Variants in MXI1 observed in about 807,000 individuals in gnomAD.
MXI1 encodes max-interacting protein 1.
A neutral mutation model predicts 36.9 loss-of-function variants in MXI1; 18 were observed. The observed-to-expected ratio is 0.49, with a 90% CI of 0.34 to 0.72. The LOEUF (loss-of-function observed/expected upper bound fraction) is 0.72. MXI1 is among the 30% of genes least tolerant of loss of function. MXI1 has a pLI of 0.01. For missense variants in MXI1, 304 were observed against 379.1 expected, an observed-to-expected ratio of 0.80 and a Z score of 1.64; for synonymous variants, 160 against 146.7, an observed-to-expected ratio of 1.09 and a Z score of -0.65.
At chr10:110,226,381 CATGAGGTGAGGTGTGCGCGCAT>C (rs1854969416) in intron 1 of MXI1, 2 of 1,213,740 alleles carry the variant, frequency 1.6e-6, no homozygotes, top group Admixed American at 7.3e-5. Flanking sequence ...GAGGTGCGCG[CATGAGGTGAGGTGTGCGCGCAT>C]GTGAGGGGAG....
At chr10:110,282,310 T>C (rs1455810799) in intron 5 of MXI1, among the ~76,000 whole-genome samples, 1 of 152,202 alleles carries the variant, frequency 6.6e-6, no homozygotes, top group East Asian at 1.9e-4. Flanking sequence ...AAATAGTTTT[T>C]TCATCCTTTT....
chr10:110,282,205 T>G (rs535389771), intron 5 of MXI1, among the ~76,000 whole-genome samples: 4 of 152,366 alleles, frequency 2.6e-5, no homozygotes, highest in Non-Finnish European at 5.9e-5. Flanking sequence ...AACTCATGTT[T>G]TGCTGTACTG....
At chr10:110,272,992 G>A (rs1431549331) in intron 3 of MXI1, among the ~76,000 whole-genome samples, 1 of 150,838 alleles carries the variant, frequency 6.6e-6, no homozygotes, top group Non-Finnish European at 1.5e-5. Context: ...TGAGTTGTAG[G>A]TGAAACATAC....
intron 3 of MXI1, among the ~76,000 whole-genome samples, chr10:110,273,193 A>G (rs1454545746): frequency 6.6e-6 from 1 of 152,006 alleles, no homozygotes; most frequent in African/African-American, 2.4e-5. Context: ...GACTACAGGC[A>G]TGTGCCACCA....
intron 2 of MXI1, among the ~76,000 whole-genome samples, chr10:110,230,912 T>C (rs761073373): frequency 1.3e-5 from 2 of 152,370 alleles, no homozygotes; most frequent in East Asian, 1.9e-4. Flanking sequence ...AAAAAGCTAC[T>C]AGTGTGGAAG....
At chr10:110,214,419 C>A (rs545123241) in intron 1 of MXI1, among the ~76,000 whole-genome samples, 2 of 152,092 alleles carry the variant, frequency 1.3e-5, no homozygotes, top group African/African-American at 2.4e-5. Context: ...ACACCACCCC[C>A]CTCCTGCTGC....
intron 3 of MXI1, among the ~76,000 whole-genome samples, chr10:110,264,279 G>A (rs1856613904): frequency 1.3e-5 from 2 of 152,034 alleles, no homozygotes; most frequent in South Asian, 2.1e-4. Context: ...TGTTCCTGCT[G>A]TATTGGGCAT....
chr10:110,207,888 C>T lies in MXI1; in HGVS notation c.80C>T (p.Pro27Leu), dbSNP rs776145710. ...GCCCCCGCCGCGCCCCCGGCTGTGC[C>T]CCCCGCCGTGGCCGCGCCCCAGCCC... ...GLAPAAPPAV[P>L]PAVAAPQPPA... Residue 27 changes from proline (P) to leucine (L), a missense_variant, in exon 1 of 6, where the codon CCC becomes CTC. Around this residue, in one of 2 missense-constraint regions of MXI1, gnomAD observed 179 missense variants for 184.8 expected, o/e 0.97. Coordinates refer to ENST00000332674, the MANE Select transcript of MXI1 (RefSeq NM_130439.3). 2.2e-5 allele frequency: 30 copies of T among 1,358,268 alleles called. No individual in the cohort carries two copies. Among genetic ancestry groups the T allele is most frequent in the East Asian group, 3.5e-5 (1 of 28,458 alleles). The allele number at this position is 1,358,268 out of a possible 1,614,324, so 84.1% of individuals were successfully genotyped here. A position where few individuals can be genotyped will look rare whatever the true frequency, so the allele number is the denominator to read the frequency against.
intron 3 of MXI1, among the ~76,000 whole-genome samples, chr10:110,255,767 G>A (rs548922338): frequency 1.3e-5 from 2 of 152,264 alleles, no homozygotes; most frequent in Admixed American, 1.3e-4. Flanking sequence ...TAGATTCAGT[G>A]CAAGCCCTAT....
chr10:110,258,887 C>CA (rs1856407600), intron 3 of MXI1, among the ~76,000 whole-genome samples: 1 of 151,560 alleles, frequency 6.6e-6, no homozygotes, highest in South Asian at 2.1e-4. Context: ...ACCTAGGTTA[C>CA]ATATACAGCA....
intron 3 of MXI1, among the ~76,000 whole-genome samples, chr10:110,261,429 ATT>A (rs754963291): frequency 0.037 from 5,170 of 141,094 alleles, 118 homozygotes; most frequent in African/African-American, 0.07. Flanking sequence ...TATTCAAACC[ATT>A]TTTTTTTTTT....
chr10:110,240,648 A>G (rs1040887714), intron 2 of MXI1, among the ~76,000 whole-genome samples: 4 of 152,124 alleles, frequency 2.6e-5, no homozygotes, highest in Non-Finnish European at 5.9e-5. Flanking sequence ...CCCCTTTGGT[A>G]TATCCTTGAA....
intron 3 of MXI1, chr10:110,261,265 G>C: frequency 1.9e-6 from 1 of 520,014 alleles, no homozygotes; most frequent in Non-Finnish European, 2.5e-6. Context: ...CATGTCTACT[G>C]TTTATTTTTT....
At chr10:110,238,638 A>G (rs1224746172) in intron 2 of MXI1, among the ~76,000 whole-genome samples, 1 of 152,056 alleles carries the variant, frequency 6.6e-6, no homozygotes, top group Non-Finnish European at 1.5e-5. Flanking sequence ...GGTTTTATTT[A>G]TTCCTTAAAT....
intron 1 of MXI1, chr10:110,227,965 A>T (rs113238292): frequency 0.059 from 30,608 of 514,994 alleles, 1,294 homozygotes; most frequent in Middle Eastern, 0.14. Context: ...GGGGGGATAA[A>T]CTCTTTGGTT....
At chr10:110,257,355 C>T (rs967705025) in intron 3 of MXI1, 2 of 148,468 alleles carry the variant, frequency 1.3e-5, no homozygotes, top group African/African-American at 5.0e-5. Context: ...GTTGCCCTGG[C>T]TGGAGTGCAA....
At chr10:110,212,038 G>A (rs1324969860) in intron 1 of MXI1, among the ~76,000 whole-genome samples, 1 of 152,216 alleles carries the variant, frequency 6.6e-6, no homozygotes, top group African/African-American at 2.4e-5. Flanking sequence ...GGGATGTTAT[G>A]TGCATAAGAG....
At chr10:110,242,828 G>C (rs893298346) in intron 2 of MXI1, among the ~76,000 whole-genome samples, 1 of 151,776 alleles carries the variant, frequency 6.6e-6, no homozygotes, top group Non-Finnish European at 1.5e-5. Flanking sequence ...TTTAGAATAA[G>C]TTTATGGCTG....
At chr10:110,227,728 C>T (rs1240405969) in intron 1 of MXI1, 1 of 204,836 alleles carries the variant, frequency 4.9e-6, no homozygotes, top group South Asian at 1.1e-4. Flanking sequence ...GCAGAAAGAC[C>T]AGGAACTCGG....
Sources: allele counts gnomAD v4.1 joint callset (sites outside exome capture counted in the v4.1 genomes callset), GRCh38; gene constraint gnomAD v4.1.1; regional missense constraint gnomAD v4.1.1; transcripts MANE v1.5; gene names NCBI Gene and HGNC (gene_info 2026-07-23, HGNC 2026-07-21).